The following CD6 variants were observed in gnomAD, a reference collection of about 807,000 sequenced individuals.
CD6 encodes the protein CD6 molecule, also known as T-cell differentiation antigen CD6.
CD6 carries 53 observed loss-of-function variants against 75.3 expected under a neutral mutation model. The observed-to-expected ratio is 0.70, with a 90% CI of 0.56 to 0.88. The LOEUF is 0.88. Ranked by LOEUF, CD6 falls within the 40% of genes least tolerant of loss-of-function variation. The pLI, the probability that CD6 is intolerant of heterozygous loss-of-function variation, is 0.00. For missense variants in CD6, 770 were observed against 897.1 expected (o/e 0.86, Z 1.81); for synonymous variants, 359 against 381.5 (o/e 0.94, Z 0.69).
chr11:61,009,427 AG>A, intron 4 of CD6, 144 bp from the exon 5 acceptor site: 1 of 727,772 alleles, frequency 1.4e-6, no homozygotes, highest in Non-Finnish European at 2.2e-6. Context: ...GGCAGGTGAC[AG>A]GGGGACACAG....
chr11:61,016,906 C>A (rs572949179), intron 9 of CD6: 1 of 153,008 alleles, frequency 6.5e-6, no homozygotes, highest in East Asian at 1.9e-4. Flanking sequence ...TCTGTCGAAC[C>A]TGAGATTCCG....
At chr11:61,012,769 A>C (rs1156759169) in intron 6 of CD6, among the ~76,000 whole-genome samples, 1 of 151,556 alleles carries the variant, frequency 6.6e-6, no homozygotes, top group Admixed American at 6.6e-5. Flanking sequence ...GAGGTGGGAG[A>C]CCCTGAATCC....
At position 61,015,623 on chromosome 11, in the gene CD6, C is replaced by T. The variant is rs1859362050; in HGVS notation, c.1388-90C>T. On this transcript the variant is annotated intron_variant, in intron 8 of 12. Coordinates refer to ENST00000313421, the MANE Select transcript of CD6 (RefSeq NM_006725.5). Reference sequence around the variant, plus strand: ...ACTTGGTGCTCCCCTGCTACTCTGCCTCTCACCTCTGCCGTTCATACTCTA... The same window carrying T: ...ACTTGGTGCTCCCCTGCTACTCTGCTTCTCACCTCTGCCGTTCATACTCTA... 19 of 1,487,274 alleles carry T rather than the reference C, an allele frequency of 1.3e-5. No individual in the cohort carries two copies. The East Asian group carries it at 2.5e-4, about 20-fold the overall frequency. 92.1% of individuals were successfully genotyped at this position (1,487,274 alleles called of 1,614,324 possible).
chr11:60,992,332 CT>C (rs35718014), intron 1 of CD6, among the ~76,000 whole-genome samples: 213 of 145,948 alleles, frequency 1.5e-3, no homozygotes, highest in African/African-American at 2.3e-3. Context: ...GCTTGTGAGG[CT>C]TTTTTTTTTT....
rs756455957 is a variant in CD6 at position 61,007,670 on chromosome 11, C to A, written c.229C>A (p.Arg77Ser). 3.7e-5 allele frequency: 53 copies of A among 1,425,778 alleles called. No homozygotes were observed. The South Asian group carries it at 7.3e-4, about 20-fold the overall frequency. 88.3% of individuals were successfully genotyped at this position (1,425,778 alleles called of 1,614,324 possible). ...EPACGALWDS[R>S]AAEAVCRALG... ...CGCGTGCGGGGCGCTCTGGGACAGC[C>A]GCGCCGCCGAGGCCGTGTGCCGAGC... The change falls in exon 3 of 13, where the codon CGC (arginine) becomes AGC (serine). Residue 77 changes from arginine (R) to serine (S), a missense_variant. By Grantham distance (110) the Arg-to-Ser change is moderately radical. Coordinates refer to ENST00000313421, the MANE Select transcript of CD6 (RefSeq NM_006725.5). The surrounding 1 kb of genome is among the most constrained non-coding windows in gnomAD (Gnocchi z 4.2).
rs1858952577 is a variant in CD6, at chr11:61,007,987, C to G, written c.469+77C>G. The G allele has an allele frequency of 9.9e-7, 1 of 1,009,400 alleles. No individual in the cohort carries two copies. Among genetic ancestry groups the G allele is most frequent in the Non-Finnish European group, 1.3e-6 (1 of 766,716 alleles). The allele number at this position is 1,009,400 out of a possible 1,614,324, so 62.5% of individuals were successfully genotyped here. A position where few individuals can be genotyped will look rare whatever the true frequency, so the allele number is the denominator to read the frequency against. On this transcript the variant is annotated intron_variant, in intron 3 of 12. Coordinates refer to ENST00000313421, the MANE Select transcript of CD6 (RefSeq NM_006725.5). The surrounding 1 kb of genome is among the most constrained non-coding windows in gnomAD (Gnocchi z 4.2). ...TCAGCCACTGCCCCTGGCTCCAGACCCTGGACGCAAGCCTCGCCCTCCAGA... is the reference window on the plus strand; with the variant it reads ...TCAGCCACTGCCCCTGGCTCCAGACGCTGGACGCAAGCCTCGCCCTCCAGA...
chr11:61,008,756 C>CG lies in CD6; in HGVS notation c.697dup (p.Ala233GlyfsTer40), dbSNP rs1258473272. 6.2e-7 allele frequency: 1 copy of CG among 1,604,892 alleles called. No homozygotes were observed. Among genetic ancestry groups the CG allele is most frequent in the Non-Finnish European group, 8.5e-7 (1 of 1,174,598 alleles). On this transcript the variant is annotated frameshift_variant, in exon 4 of 13. Coordinates refer to ENST00000313421, the MANE Select transcript of CD6 (RefSeq NM_006725.5). LOFTEE classifies it high-confidence loss of function. ...ATCCACCGGGACCAGGTGAACTGCTCGGGGGCCGAAGCTTACCTGTGGGAC... is the reference window on the plus strand; with the variant it reads ...ATCCACCGGGACCAGGTGAACTGCTCGGGGGGCCGAAGCTTACCTGTGGGAC...
chr11:61,007,806 C>A lies in CD6; in HGVS notation c.365C>A (p.Ala122Asp). 6.8e-7 allele frequency: 1 copy of A among 1,473,012 alleles called. No individual in the cohort carries two copies. The highest frequency in any genetic ancestry group is 1.3e-5 in the South Asian group (1 of 76,868). 91.2% of individuals were successfully genotyped at this position (1,473,012 alleles called of 1,614,324 possible). The change falls in exon 3 of 13, where the codon GCC becomes GAC. Residue 122 changes from alanine to aspartate, a missense_variant. Coordinates refer to ENST00000313421, the MANE Select transcript of CD6 (RefSeq NM_006725.5). This position sits in a 1 kb window ranked among gnomAD's most constrained non-coding sequence, Gnocchi z 4.2. ...AGCGTAGCAGCTAATGCCACTCTGG[C>A]CGGGGCGCCCGCCCTCCTGTGCAGC... ...NTSVAANATL[A>D]GAPALLCSGA...
rs11230563 is a variant in CD6, at chr11:61,008,737, C to T, written c.673C>T (p.Arg225Trp). Reference sequence around the variant, plus strand: ...CACGCCCGGCCGCGGGCCTATCCACCGGGACCAGGTGAACTGCTCGGGGGC... The same window carrying T: ...CACGCCCGGCCGCGGGCCTATCCACTGGGACCAGGTGAACTGCTCGGGGGC... ...HFTPGRGPIH[R>W]DQVNCSGAEA... The change falls in exon 4 of 13, where the codon CGG becomes TGG. Residue 225 changes from arginine (R) to tryptophan (W), a missense_variant. Transcript: ENST00000313421. 537,485 of 1,606,102 alleles carry T rather than the reference C, an allele frequency of 0.33. 93,780 individuals are homozygous for T. The highest frequency in any genetic ancestry group is 0.56 in the African/African-American group (41,641 of 74,828).
intron 8 of CD6, 127 bp from the exon 9 acceptor site, chr11:61,015,586 A>T: frequency 1.8e-6 from 2 of 1,133,294 alleles, no homozygotes; most frequent in Non-Finnish European, 2.5e-6. Flanking sequence ...AGAAAGAAAA[A>T]AAAAGGGGGC....
intron 1 of CD6, among the ~76,000 whole-genome samples, chr11:60,975,755 T>G (rs1254025467): frequency 2.0e-5 from 3 of 152,162 alleles, no homozygotes; most frequent in Non-Finnish European, 4.4e-5. Context: ...AATGAGCCAT[T>G]ATTGTGCCAC....
At chr11:60,996,194 A>G (rs1393194760) in intron 1 of CD6, among the ~76,000 whole-genome samples, 1 of 152,196 alleles carries the variant, frequency 6.6e-6, no homozygotes, top group Non-Finnish European at 1.5e-5. Flanking sequence ...CAATTAAATC[A>G]TACTGAATAA....
chr11:61,015,998 T>C (rs979538101), intron 9 of CD6, among the ~76,000 whole-genome samples, 163 bp downstream of exon 9: 1 of 152,192 alleles, frequency 6.6e-6, no homozygotes, highest in Non-Finnish European at 1.5e-5. Context: ...TACACTGACG[T>C]TTGCACCGTG....
chr11:61,010,016 G>A (rs540504568), intron 5 of CD6, 142 bp downstream of exon 5: 11 of 769,284 alleles, frequency 1.4e-5, no homozygotes, highest in South Asian at 6.2e-5. Flanking sequence ...TTGTCCTTAC[G>A]GTGCCCAGGC....
chr11:61,011,041 T>C (rs74860834), intron 5 of CD6, 29 bp from the exon 6 acceptor site: 342,289 of 1,607,176 alleles, frequency 0.21, 41,152 homozygotes, highest in Middle Eastern at 0.32. Flanking sequence ...GTAACATGCA[T>C]TGAGTGACTG....
rs778388668 is a variant in CD6, at chr11:61,007,742, A to ACCCCTGAGATGCCGC, written c.309_310insATGCCGCCCCCTGAG (p.Glu103_Leu104insMetProProProGlu). ...GGCCGCCTCTCAGCTCGCCCCGCCG[A>ACCCCTGAGATGCCGC]CCCCTGAGCTGCCGCCCCCGCCTGC... On this transcript the variant is annotated inframe_insertion, in exon 3 of 13. Transcript: ENST00000313421. The surrounding 1 kb of genome is among the most constrained non-coding windows in gnomAD (Gnocchi z 4.2). The ACCCCTGAGATGCCGC allele has an allele frequency of 2.1e-3, 3,043 of 1,421,694 alleles. 8 individuals carry two copies. Among genetic ancestry groups the ACCCCTGAGATGCCGC allele is most frequent in the Admixed American group, 2.4e-3 (80 of 33,008 alleles). The allele number at this position is 1,421,694 out of a possible 1,614,324, so 88.1% of individuals were successfully genotyped here.
intron 8 of CD6, chr11:61,015,485 C>T (rs948006768): frequency 1.4e-5 from 7 of 492,974 alleles, no homozygotes; most frequent in African/African-American, 5.8e-5. Context: ...GTGGGAGGAT[C>T]GCCTGAGCCC....
At chr11:60,994,395 C>G (rs1274516360) in intron 1 of CD6, among the ~76,000 whole-genome samples, 1 of 141,408 alleles carries the variant, frequency 7.1e-6, no homozygotes, top group East Asian at 2.1e-4. Context: ...AAGCCGAGAT[C>G]GTGCCACTGC....
chr11:60,984,625 A>G (rs1315945334), intron 1 of CD6, among the ~76,000 whole-genome samples: 1 of 152,262 alleles, frequency 6.6e-6, no homozygotes, highest in Non-Finnish European at 1.5e-5. Flanking sequence ...GACCAAAAAC[A>G]TAAACACATT....
Sources: allele counts gnomAD v4.1 joint callset (sites outside exome capture counted in the v4.1 genomes callset), GRCh38; gene constraint gnomAD v4.1.1; non-coding constraint Gnocchi (gnomAD v3.1); transcripts MANE v1.5; gene names NCBI Gene and HGNC (gene_info 2026-07-23, HGNC 2026-07-21).